Variants in ZSWIM6 observed in about 807,000 individuals in gnomAD.
ZSWIM6 encodes zinc finger SWIM-type containing 6.
In ZSWIM6, 9 loss-of-function variants were observed where a neutral mutation model predicts 113.2. That is an observed-to-expected ratio of 0.08 (90% CI 0.05 to 0.14). The LOEUF (loss-of-function observed/expected upper bound fraction) is 0.14, where lower values mean the gene tolerates loss of function less well. Ranked by LOEUF, ZSWIM6 falls within the 10% of genes least tolerant of loss-of-function variation. The probability of loss-of-function intolerance (pLI) is 1.00; values close to 1 mark genes in which losing one functional copy is unlikely to be tolerated. For missense variants in ZSWIM6, 1,162 were observed against 1,552.2 expected (o/e 0.75, Z 4.22); for synonymous variants, 611 against 606.5 (o/e 1.01, Z -0.11).
intron 1 of ZSWIM6, among the ~76,000 whole-genome samples, chr5:61,429,503 A>AG (rs1746534794): frequency 6.6e-6 from 1 of 152,188 alleles, no homozygotes; most frequent in Admixed American, 6.5e-5. Flanking sequence ...ATGGCCTGGA[A>AG]GTGGTGCAGG....
In ZSWIM6 at chr5:61,531,707, G is replaced by A. The variant is rs1342359714; in HGVS notation, c.2227G>A (p.Ala743Thr). The A allele has an allele frequency of 1.9e-6, 3 of 1,551,516 alleles. No individual in the cohort carries two copies. The highest frequency in any genetic ancestry group is 2.6e-6 in the Non-Finnish European group (3 of 1,146,940). The stretch of plus-strand genomic sequence containing the variant: ...ACTGGTGAAAATTTTTCGCAAGCAA[G>A]CAGTCTTCCTATTAGAAGGTAGCCT... Reference protein sequence around the residue: ...DTLVKIFRKQAVFLLEAGPYS... With the variant: ...DTLVKIFRKQTVFLLEAGPYS... The change falls in exon 9 of 14, where the codon GCA (alanine) becomes ACA (threonine). Residue 743 changes from alanine to threonine, a missense_variant. By Grantham distance (58) the Ala-to-Thr change is moderately conservative (BLOSUM62 0). Coordinates refer to ENST00000252744, the MANE Select transcript of ZSWIM6 (RefSeq NM_020928.2).
intron 2 of ZSWIM6, among the ~76,000 whole-genome samples, chr5:61,478,112 A>G (rs1045456723): frequency 6.6e-6 from 1 of 152,148 alleles, no homozygotes; most frequent in African/African-American, 2.4e-5. Context: ...TACCCTTTCT[A>G]TTGTATAATA....
At chr5:61,460,958 G>C (rs1747312017) in intron 1 of ZSWIM6, among the ~76,000 whole-genome samples, 1 of 151,890 alleles carries the variant, frequency 6.6e-6, no homozygotes, top group African/African-American at 2.4e-5. Context: ...TATACAGCTG[G>C]AAATTTTGCC....
chr5:61,349,595 C>CT (rs961254621), intron 1 of ZSWIM6, among the ~76,000 whole-genome samples: 11 of 148,742 alleles, frequency 7.4e-5, no homozygotes, highest in East Asian at 3.9e-4. Flanking sequence ...TGTAGGGTTT[C>CT]TTTTTTTTTT....
intron 1 of ZSWIM6, 47 bp downstream of exon 1, chr5:61,332,995 T>TG (rs1744297250): frequency 8.2e-5 from 13 of 159,054 alleles, no homozygotes; most frequent in Non-Finnish European, 1.1e-4. Flanking sequence ...CGTCAGTCCC[T>TG]GGGTGGGGGG....
Position 61,525,849 on chromosome 5 carries a change from A to T in ZSWIM6, c.1563A>T (p.Ala521=). ...CAGTGTTCACCCGAGCCATCGAGGCATGCGATCTCCACTGGCAGGATAGCC... is the reference window on the plus strand; with the variant it reads ...CAGTGTTCACCCGAGCCATCGAGGCTTGCGATCTCCACTGGCAGGATAGCC... ...HRTVFTRAIE[A]CDLHWQDSHL... is the part of the protein sequence containing the mutation. The change falls in exon 6 of 14, where the codon GCA becomes GCT. Residue 521 remains alanine (A), a synonymous_variant. Transcript: ENST00000252744. 1 of 1,551,890 alleles carries T rather than the reference A, an allele frequency of 6.4e-7. No individual in the cohort carries two copies. Among genetic ancestry groups the T allele is most frequent in the Non-Finnish European group, 8.7e-7 (1 of 1,147,012 alleles).
chr5:61,490,961 A>G, intron 3 of ZSWIM6, 27 bp downstream of exon 3: 1 of 1,505,368 alleles, frequency 6.6e-7, no homozygotes, highest in Non-Finnish European at 8.8e-7. Flanking sequence ...CTAAAGAAAT[A>G]TTCTAAATAT....
chr5:61,419,981 A>G (rs185682926), intron 1 of ZSWIM6, among the ~76,000 whole-genome samples: 25 of 152,364 alleles, frequency 1.6e-4, no homozygotes, highest in South Asian at 1.2e-3. Flanking sequence ...TGGGTTAACC[A>G]TTTGACATCT....
intron 12 of ZSWIM6, among the ~76,000 whole-genome samples, chr5:61,540,229 G>A (rs745637402): frequency 4.6e-5 from 7 of 152,178 alleles, no homozygotes; most frequent in Non-Finnish European, 1.0e-4. Context: ...GGTAAAGGAG[G>A]AGTGATCGGG....
At chr5:61,482,592 T>C (rs1001645862) in intron 2 of ZSWIM6, among the ~76,000 whole-genome samples, 2 of 152,212 alleles carry the variant, frequency 1.3e-5, no homozygotes, top group Non-Finnish European at 2.9e-5. Context: ...CTATGATGTA[T>C]AGGGTACATG....
chr5:61,365,955 C>G (rs1745140266), intron 1 of ZSWIM6, among the ~76,000 whole-genome samples: 1 of 152,056 alleles, frequency 6.6e-6, no homozygotes, highest in Non-Finnish European at 1.5e-5. Flanking sequence ...CATTCTGTCA[C>G]CCAGGCTGGC....
chr5:61,391,962 C>T (rs937454945), intron 1 of ZSWIM6: 18 of 502,966 alleles, frequency 3.6e-5, no homozygotes, highest in Admixed American at 1.8e-4. Flanking sequence ...TGGGCTTGTA[C>T]GGGTCTACCT....
intron 1 of ZSWIM6, among the ~76,000 whole-genome samples, chr5:61,363,813 A>T (rs1745080845): frequency 6.6e-6 from 1 of 151,800 alleles, no homozygotes; most frequent in South Asian, 2.1e-4. Context: ...TCTCTGTAGG[A>T]TAGTTTGTTT....
At position 61,418,554 on chromosome 5, in the gene ZSWIM6, C is replaced by T. The variant is rs182536273; in HGVS notation, c.677-54127C>T. 2.1e-4 allele frequency among the ~76,000 whole-genome samples: 32 copies of T among 152,210 alleles called. 2 individuals are homozygous for T. Among genetic ancestry groups the T allele is most frequent in the Middle Eastern group, 3.4e-3 (1 of 294 alleles). Reference sequence around the variant, plus strand: ...GATTACAGGTGTGAGCCACTGTGCCCGGCCTACTCTATGATTTTTATTTAA... The same window carrying T: ...GATTACAGGTGTGAGCCACTGTGCCTGGCCTACTCTATGATTTTTATTTAA... On this transcript the variant is annotated intron_variant, in intron 1 of 13. Coordinates refer to ENST00000252744, the MANE Select transcript of ZSWIM6 (RefSeq NM_020928.2).
At chr5:61,402,067 T>C (rs536023132) in intron 1 of ZSWIM6, among the ~76,000 whole-genome samples, 1 of 152,312 alleles carries the variant, frequency 6.6e-6, no homozygotes, top group African/African-American at 2.4e-5. Flanking sequence ...CTGGAAGTCT[T>C]AGATATGGGA....
At position 61,363,998 on chromosome 5, in the gene ZSWIM6, C is replaced by CTTTCT. The variant is rs796117656; in HGVS notation, c.676+31067_676+31071dup. Among the ~76,000 whole-genome samples the CTTTCT allele has an allele frequency of 5.9e-4, 75 of 126,964 alleles. 1 individual carries two copies. Among genetic ancestry groups the CTTTCT allele is most frequent in the African/African-American group, 1.6e-3 (54 of 34,482 alleles). The allele number at this position is 126,964 out of a possible 152,430, so 83.3% of individuals were successfully genotyped here. ...CCTCCCTCCCTCCCTCCCTTTCCTT[C>CTTTCT]TTTCTTTTCTTTTCTTTTCTTCCTT... On this transcript the variant is annotated intron_variant, in intron 1 of 13. Transcript: ENST00000252744.
intron 1 of ZSWIM6, among the ~76,000 whole-genome samples, chr5:61,414,078 G>A (rs1015741783): frequency 2.0e-5 from 3 of 152,036 alleles, no homozygotes; most frequent in Admixed American, 6.6e-5. Context: ...ATCCTGTGAG[G>A]TAATTCCAGT....
chr5:61,416,215 GTGT>G (rs1579985128), intron 1 of ZSWIM6, among the ~76,000 whole-genome samples: 2 of 152,238 alleles, frequency 1.3e-5, no homozygotes, highest in East Asian at 1.9e-4. Flanking sequence ...GGTTTTCACA[GTGT>G]TGTTGTACCT....
intron 1 of ZSWIM6, among the ~76,000 whole-genome samples, chr5:61,432,640 TG>T (rs1474970352): frequency 6.6e-6 from 1 of 152,252 alleles, no homozygotes; most frequent in African/African-American, 2.4e-5. Flanking sequence ...CAAGCCTGTT[TG>T]TTGTGAGGCA....
Sources: gnomAD v4.1 joint callset for allele counts (sites outside exome capture counted in the v4.1 genomes callset) on GRCh38, gnomAD v4.1.1 for gene constraint, MANE v1.5 for transcripts, NCBI Gene and HGNC (gene_info 2026-07-23, HGNC 2026-07-21) for gene names.